The following LAMA2 variants were observed in gnomAD, a reference collection of about 807,000 sequenced individuals.
The protein encoded by LAMA2 is laminin subunit alpha 2, also known as laminin subunit alpha-2.
In LAMA2, 269 loss-of-function variants were observed where a neutral mutation model predicts 364.8. That is an observed-to-expected ratio of 0.74 (90% confidence interval 0.67 to 0.82). The LOEUF (loss-of-function observed/expected upper bound fraction) is 0.82, where lower values mean the gene tolerates loss of function less well. Among genes scored for constraint, LAMA2 ranks in the 40% least tolerant of loss-of-function variants. The pLI is 0.00. For synonymous variants in LAMA2, 1,379 were observed against 1,370.6 expected (o/e 1.01, Z -0.14); for missense variants, 3,807 against 3,873.2 (o/e 0.98, Z 0.45).
At chr6:129,223,745 G>A (rs1784043929) in intron 12 of LAMA2, among the ~76,000 whole-genome samples, 1 of 152,148 alleles carries the variant, frequency 6.6e-6, no homozygotes, top group African/African-American at 2.4e-5. Context: ...GGTTACTGTA[G>A]CCTTGTAGTA....
chr6:129,031,664 C>T (rs532857764), intron 1 of LAMA2, among the ~76,000 whole-genome samples: 9 of 152,272 alleles, frequency 5.9e-5, no homozygotes, highest in Admixed American at 3.9e-4. Context: ...TCTGGGCTTC[C>T]AAGTCACTAA....
In LAMA2 at chr6:129,062,736, T is replaced by A. The variant is rs563414950; in HGVS notation, c.396+2840T>A. ...TATCACTAAATGTTTGTTTGTCATT[T>A]ATTCAGCAAGAGACTTGACCATTTA... On this transcript the variant is annotated intron_variant, in intron 3 of 64. Coordinates refer to ENST00000421865, the MANE Select transcript of LAMA2 (RefSeq NM_000426.4). Among the ~76,000 whole-genome samples, 39 of 152,314 alleles carry A rather than the reference T, an allele frequency of 2.6e-4. 1 individual carries two copies. In the South Asian group the frequency reaches 3.7e-3, roughly 15 times the overall value.
In LAMA2 at chr6:129,432,419, G is replaced by A. The variant is rs1249263394; in HGVS notation, c.5968+4565G>A. On this transcript the variant is annotated intron_variant, in intron 41 of 64. Coordinates refer to ENST00000421865, the MANE Select transcript of LAMA2 (RefSeq NM_000426.4). ...ACCCCACCATGTGAGTAGAGGACAA[G>A]AAACAAACATTCAGAACACTCCTGT... Among the ~76,000 whole-genome samples the A allele has an allele frequency of 7.2e-5, 11 of 152,200 alleles. No individual in the cohort carries two copies. In the East Asian group the frequency reaches 1.9e-3, roughly 27 times the overall value.
intron 12 of LAMA2, among the ~76,000 whole-genome samples, chr6:129,209,193 T>C (rs1427470946): frequency 6.6e-6 from 1 of 152,226 alleles, no homozygotes; most frequent in Non-Finnish European, 1.5e-5. Context: ...TGGTTTTATA[T>C]AAAAGCAAAA....
intron 4 of LAMA2, among the ~76,000 whole-genome samples, chr6:129,119,523 T>G (rs536339179): frequency 6.6e-6 from 1 of 151,496 alleles, no homozygotes; most frequent in Admixed American, 6.6e-5. Flanking sequence ...TACATTTTAT[T>G]TTATTTTTTA....
intron 31 of LAMA2, among the ~76,000 whole-genome samples, chr6:129,350,366 G>A (rs1043775314): frequency 1.3e-5 from 2 of 152,194 alleles, no homozygotes; most frequent in Non-Finnish European, 2.9e-5. Context: ...GTGACAATAA[G>A]TGTGTAAAGG....
chr6:129,481,302 G>A lies in LAMA2; in HGVS notation c.7612G>A (p.Glu2538Lys), dbSNP rs1484185697. 2.5e-6 allele frequency: 4 copies of A among 1,613,662 alleles called. No homozygotes were observed. Among genetic ancestry groups the A allele is most frequent in the Non-Finnish European group, 3.4e-6 (4 of 1,179,840 alleles). Residue 2538 changes from glutamate (E) to lysine (K), a missense_variant, in exon 55 of 65, where the codon GAG becomes AAG. Transcript: ENST00000421865. ...TVSFPKPGFV[E>K]LSPVPIDVGT... ...TAGCTTTCCTAAGCCTGGTTTTGTG[G>A]AGCTCTCCCCTGTGCCAATTGATGT...
At chr6:128,889,970 A>C (rs976621613) in intron 1 of LAMA2, among the ~76,000 whole-genome samples, 1 of 152,178 alleles carries the variant, frequency 6.6e-6, no homozygotes, top group African/African-American at 2.4e-5. Flanking sequence ...TGACATGCCT[A>C]ATCTAGTTCA....
At chr6:128,894,029 C>G (rs1341407388) in intron 1 of LAMA2, among the ~76,000 whole-genome samples, 2 of 152,090 alleles carry the variant, frequency 1.3e-5, no homozygotes, top group African/African-American at 4.8e-5. Context: ...AAAGAGGAGT[C>G]TGTCAGTGCC....
At position 129,516,439 on chromosome 6, in the gene LAMA2, CTA is replaced by C; in HGVS notation, c.*93_*94del. ...ATTTTACCTATATATGTTAATTAAA[CTA>C]ATTTGTGCATGTACATAGAATTCTT... On this transcript the variant is annotated 3_prime_UTR_variant, in exon 65 of 65. Coordinates refer to ENST00000421865, the MANE Select transcript of LAMA2 (RefSeq NM_000426.4). 3.2e-6 allele frequency: 4 copies of C among 1,263,002 alleles called. No homozygotes were observed. The East Asian group carries it at 1.0e-4, about 32-fold the overall frequency. The allele number at this position is 1,263,002 out of a possible 1,614,324, so 78.2% of individuals were successfully genotyped here. A position where few individuals can be genotyped will look rare whatever the true frequency, so the allele number is the denominator to read the frequency against.
intron 12 of LAMA2, among the ~76,000 whole-genome samples, chr6:129,198,152 A>G (rs1295601947): frequency 6.6e-6 from 1 of 152,106 alleles, no homozygotes; most frequent in African/African-American, 2.4e-5. Context: ...CTAGGGCTAC[A>G]TTGGCAGGAA....
At chr6:129,121,419 T>G (rs1319283004) in intron 4 of LAMA2, among the ~76,000 whole-genome samples, 2 of 152,228 alleles carry the variant, frequency 1.3e-5, no homozygotes, top group African/African-American at 4.8e-5. Flanking sequence ...AACTTGAATA[T>G]TTTAATTTAG....
intron 34 of LAMA2, among the ~76,000 whole-genome samples, chr6:129,374,543 T>C (rs1007906507): frequency 2.6e-5 from 4 of 152,082 alleles, no homozygotes; most frequent in African/African-American, 9.7e-5. Context: ...TAAGACTCTC[T>C]TCCCTCTGGA....
chr6:129,280,075 G>T lies in LAMA2; in HGVS notation c.2465G>T (p.Cys822Phe), dbSNP rs764935081. 13 of 1,612,806 alleles carry T rather than the reference G, an allele frequency of 8.1e-6. No homozygotes were observed. The highest frequency in any genetic ancestry group is 1.0e-5 in the Non-Finnish European group (12 of 1,178,954). ...CATCAACATAGCTTTAGCCCAACGT[G>T]CCATTTAGACCGGAGTCTTGGATTG... ...NIPSNNFSPT[C>F]HLDRSLGLIC... The change falls in exon 18 of 65, where the codon TGC becomes TTC. Residue 822 changes from cysteine (C) to phenylalanine (F), a missense_variant. This residue lies in a region of LAMA2 where 3,333 missense variants were observed against 3,345.7 expected (regional missense o/e 1.00). Coordinates refer to ENST00000421865, the MANE Select transcript of LAMA2 (RefSeq NM_000426.4).
At chr6:129,457,726 G>GA (rs1381125529) in intron 48 of LAMA2, among the ~76,000 whole-genome samples, 2 of 152,028 alleles carry the variant, frequency 1.3e-5, no homozygotes, top group African/African-American at 4.8e-5. Flanking sequence ...AAAATACCAT[G>GA]AAACTGGGTA....
At chr6:129,290,555 T>G (rs1653618264) in intron 19 of LAMA2, among the ~76,000 whole-genome samples, 1 of 152,176 alleles carries the variant, frequency 6.6e-6, no homozygotes, top group African/African-American at 2.4e-5. Context: ...ATAGAGTACC[T>G]GTTTATAGCT....
intron 1 of LAMA2, among the ~76,000 whole-genome samples, chr6:129,004,733 T>C (rs1784336836): frequency 1.3e-5 from 2 of 152,200 alleles, no homozygotes; most frequent in East Asian, 3.8e-4. Flanking sequence ...CCTAATGCTA[T>C]ACACTATTAT....
chr6:129,238,574 T>TGA (rs781553345), intron 12 of LAMA2, among the ~76,000 whole-genome samples: 7 of 141,198 alleles, frequency 5.0e-5, no homozygotes, highest in African/African-American at 1.6e-4. Flanking sequence ...TGTGTGTGTG[T>TGA]GTGAGAGAGA....
chr6:129,507,364 G>A, intron 61 of LAMA2, 125 bp from the exon 62 acceptor site: 2 of 997,184 alleles, frequency 2.0e-6, no homozygotes, highest in East Asian at 2.4e-5. Flanking sequence ...CAGCTTTGGG[G>A]GATATCCCAT....
Sources: allele counts gnomAD v4.1 joint callset (sites outside exome capture counted in the v4.1 genomes callset), GRCh38; gene constraint gnomAD v4.1.1; regional missense constraint gnomAD v4.1.1; transcripts MANE v1.5; gene names NCBI Gene and HGNC (gene_info 2026-07-23, HGNC 2026-07-21).